FAM53A: variants seen among roughly 807,000 people sequenced by gnomAD.
FAM53A encodes protein FAM53A.
FAM53A carries 28 observed loss-of-function variants against 26.6 expected under a neutral mutation model. The ratio of observed to expected loss-of-function variants is 1.05; its 90% CI spans 0.78 to 1.45. The LOEUF is 1.45. Ranked by LOEUF, FAM53A falls within the 40% of genes most tolerant of loss-of-function variation. The pLI is 0.00. For synonymous variants in FAM53A, 290 were observed against 253.1 expected (o/e 1.15, Z -1.38); for missense variants, 650 against 575.8 (o/e 1.13, Z -1.32).
intron 1 of FAM53A, among the ~76,000 whole-genome samples, chr4:1,625,755 C>A (rs963485693): frequency 7.8e-6 from 1 of 128,996 alleles, no homozygotes; most frequent in Non-Finnish European, 1.7e-5. Flanking sequence ...CCCCACGTCC[C>A]GGCCCACATG....
chr4:1,632,200 C>G (rs149895797), intron 1 of FAM53A, among the ~76,000 whole-genome samples: 1 of 149,300 alleles, frequency 6.7e-6, no homozygotes, highest in Admixed American at 6.7e-5. Context: ...TTTGGAGATA[C>G]GGTCTCTAAA....
intron 1 of FAM53A, among the ~76,000 whole-genome samples, chr4:1,681,717 G>T (rs1715454599): frequency 6.6e-6 from 1 of 151,446 alleles, no homozygotes; most frequent in Admixed American, 6.6e-5. Context: ...TGCCCAGGCT[G>T]GTCTCCAACT....
At chr4:1,584,676 G>T in the FAM53A span, among the ~76,000 whole-genome samples, 5 of 151,720 alleles carry the variant, frequency 3.3e-5, no homozygotes, top group African/African-American at 1.2e-4. Flanking sequence ...CTGGGAGCTT[G>T]GCTGGGCTGT....
the FAM53A span, among the ~76,000 whole-genome samples, chr4:1,612,485 A>G: frequency 0.018 from 2,784 of 152,234 alleles, 72 homozygotes; most frequent in African/African-American, 0.063. Context: ...GCATGCGCGC[A>G]CACACACACA....
intron 1 of FAM53A, among the ~76,000 whole-genome samples, chr4:1,634,748 A>C (rs973960604): frequency 5.3e-5 from 8 of 151,596 alleles, no homozygotes; most frequent in African/African-American, 1.7e-4. Flanking sequence ...AAACACAAAA[A>C]AATTAGCCAG....
rs765605897 is a variant in FAM53A at position 1,644,382 on chromosome 4, G to A, written c.883-2775C>T. The stretch of plus-strand genomic sequence containing the variant: ...CAGCAGGCTCTGAACGCCTCTGGAC[G>A]ACACAGTCGGTGCAGGAGAAAAAAC... On this transcript the variant is annotated intron_variant, in intron 4 of 4. Coordinates refer to ENST00000308132, the MANE Select transcript of FAM53A (RefSeq NM_001174070.3). 170 of 1,530,534 alleles carry A rather than the reference G, an allele frequency of 1.1e-4. 2 individuals are homozygous for A. The African/African-American group carries it at 1.4e-3, about 13-fold the overall frequency. 94.8% of individuals were successfully genotyped at this position (1,530,534 alleles called of 1,614,324 possible).
downstream of FAM53A, among the ~76,000 whole-genome samples, chr4:1,635,836 C>CT (rs141715501): frequency 0.025 from 2,059 of 81,540 alleles, 34 homozygotes; most frequent in East Asian, 0.04. Context: ...AATACTAATT[C>CT]TTTTTTTTTT....
chr4:1,638,774 C>T (rs1715963933), downstream of FAM53A, among the ~76,000 whole-genome samples: 1 of 58,068 alleles, frequency 1.7e-5, no homozygotes, highest in Non-Finnish European at 3.4e-5. Context: ...GGTGAGGGGC[C>T]CCTGGGCTGG....
chr4:1,631,295 G>C (rs931543266), intron 1 of FAM53A, among the ~76,000 whole-genome samples: 3 of 152,204 alleles, frequency 2.0e-5, no homozygotes, highest in Non-Finnish European at 4.4e-5. Context: ...GCAGCCCCAG[G>C]CCTGCTGTGG....
chr4:1,675,802 C>T (rs2109043490), intron 1 of FAM53A, among the ~76,000 whole-genome samples: 1 of 152,326 alleles, frequency 6.6e-6, no homozygotes, highest in Admixed American at 6.5e-5. Context: ...CCTCCAACTC[C>T]CCCATCTTCT....
chr4:1,596,573 A>T, the FAM53A span, among the ~76,000 whole-genome samples: 2 of 151,952 alleles, frequency 1.3e-5, no homozygotes, highest in Non-Finnish European at 2.9e-5. Flanking sequence ...CTCCATTTCC[A>T]CAGCTGTGTC....
Position 1,644,595 on chromosome 4 carries a change from C to T in FAM53A, c.883-2988G>A, listed in dbSNP as rs115113099. 1,475 of 460,316 alleles carry T rather than the reference C, an allele frequency of 3.2e-3. 15 individuals are homozygous for T. The highest frequency in any genetic ancestry group is 0.023 in the African/African-American group (1,182 of 50,888). 28.5% of individuals were successfully genotyped at this position (460,316 alleles called of 1,614,324 possible). A position where few individuals can be genotyped will look rare whatever the true frequency, so the allele number is the denominator to read the frequency against. ...GTCCCTGGGCGCCAGCCCCGGGGCT[C>T]CGTCCCAGCTCCTGCTACCATCACT... On this transcript the variant is annotated intron_variant, in intron 4 of 4. Transcript: ENST00000308132.
chr4:1,630,348 C>A lies in FAM53A; in HGVS notation c.432-12237G>T, dbSNP rs967293375. Among the ~76,000 whole-genome samples, 1 of 152,248 alleles carries A rather than the reference C, an allele frequency of 6.6e-6. No homozygotes were observed. The highest frequency in any genetic ancestry group is 1.5e-5 in the Non-Finnish European group (1 of 68,042). On this transcript the variant is annotated intron_variant, in intron 1 of 1. Coordinates refer to the FAM53A transcript ENST00000489029. This position sits in a 1 kb window ranked among gnomAD's most constrained non-coding sequence, Gnocchi z 4.3. Reference sequence around the variant, plus strand: ...TGTCTGCTGAGACCACTCACCTCTGCCACTGCAGCCGAAACAGCCACAGCC... The same window carrying A: ...TGTCTGCTGAGACCACTCACCTCTGACACTGCAGCCGAAACAGCCACAGCC...
At chr4:1,661,496 T>C (rs1308971145) in intron 2 of FAM53A, among the ~76,000 whole-genome samples, 2 of 152,040 alleles carry the variant, frequency 1.3e-5, no homozygotes, top group African/African-American at 4.8e-5. Flanking sequence ...TGAATGACCT[T>C]CACACGTGAC....
chr4:1,681,792 C>G (rs974493958), intron 1 of FAM53A, among the ~76,000 whole-genome samples: 7 of 152,168 alleles, frequency 4.6e-5, no homozygotes, highest in Non-Finnish European at 8.8e-5. Flanking sequence ...TGTGAGCCAC[C>G]AAGCCTGGCC....
chr4:1,647,506 G>A (rs1453840509), intron 4 of FAM53A, among the ~76,000 whole-genome samples: 1 of 152,156 alleles, frequency 6.6e-6, no homozygotes, highest in African/African-American at 2.4e-5. Flanking sequence ...GCAGGGGGTG[G>A]CGGGGGGTTG....
chr4:1,618,296 T>C (rs1459344732), intron 1 of FAM53A, among the ~76,000 whole-genome samples: 1 of 152,044 alleles, frequency 6.6e-6, no homozygotes, highest in Non-Finnish European at 1.5e-5. Flanking sequence ...CATGGGAAAG[T>C]GTGTCTGAGG....
chr4:1,582,090 T>C, the FAM53A span, among the ~76,000 whole-genome samples: 1 of 152,212 alleles, frequency 6.6e-6, no homozygotes, highest in Non-Finnish European at 1.5e-5. Flanking sequence ...ACAGAGCTCC[T>C]TGACTACTTG....
At chr4:1,602,924 G>T in the FAM53A span, among the ~76,000 whole-genome samples, 2 of 152,178 alleles carry the variant, frequency 1.3e-5, no homozygotes, top group East Asian at 3.8e-4. Context: ...CCGTCTACCC[G>T]CCAGGCCAGC....
Sources: gnomAD v4.1 joint callset for allele counts (sites outside exome capture counted in the v4.1 genomes callset) on GRCh38, gnomAD v4.1.1 for gene constraint, Gnocchi (gnomAD v3.1) non-coding constraint, MANE v1.5 for transcripts, NCBI Gene and HGNC (gene_info 2026-07-23, HGNC 2026-07-21) for gene names.